RSPO2: variants seen among roughly 807,000 people sequenced by gnomAD.
RSPO2 encodes R-spondin 2, also known as R-spondin-2.
RSPO2 carries 14 observed loss-of-function variants against 30.9 expected under a neutral mutation model. That is an observed-to-expected ratio of 0.45 (90% CI 0.30 to 0.71). The LOEUF is 0.71. Among genes scored for constraint, RSPO2 ranks in the 30% least tolerant of loss-of-function variants. The pLI, the probability that RSPO2 is intolerant of heterozygous loss-of-function variation, is 0.08. For synonymous variants in RSPO2, 107 were observed against 96.4 expected (o/e 1.11, Z -0.64); for missense variants, 264 against 301.9 (o/e 0.87, Z 0.93).
intron 5 of RSPO2, among the ~76,000 whole-genome samples, chr8:107,926,807 T>C (rs897958171): frequency 1.3e-5 from 2 of 152,180 alleles, no homozygotes; most frequent in African/African-American, 4.8e-5. Context: ...AGCCTTGTAG[T>C]ATAGTTTGAA....
intron 2 of RSPO2, among the ~76,000 whole-genome samples, chr8:108,047,561 C>G (rs983651865): frequency 1.3e-5 from 2 of 152,148 alleles, no homozygotes; most frequent in Non-Finnish European, 1.5e-5. Context: ...CTTTTGGAAG[C>G]CTGTGGTCAG....
intron 2 of RSPO2, among the ~76,000 whole-genome samples, chr8:107,993,294 T>C (rs146301487): frequency 1.8e-4 from 28 of 152,268 alleles, no homozygotes; most frequent in African/African-American, 4.3e-4. Context: ...ATGTAATATA[T>C]GTATAAAATA....
At chr8:108,017,447 T>G (rs1586631417) in intron 2 of RSPO2, among the ~76,000 whole-genome samples, 1 of 152,164 alleles carries the variant, frequency 6.6e-6, no homozygotes, top group Non-Finnish European at 1.5e-5. Flanking sequence ...TGGGCTCTTG[T>G]GTAGTGAGGA....
At chr8:108,043,632 T>C (rs1811820812) in intron 2 of RSPO2, among the ~76,000 whole-genome samples, 2 of 151,800 alleles carry the variant, frequency 1.3e-5, no homozygotes, top group South Asian at 4.1e-4. Flanking sequence ...GCACCTCTCG[T>C]CCTGAGGCAT....
At chr8:108,027,111 AG>A (rs1350153056) in intron 2 of RSPO2, among the ~76,000 whole-genome samples, 1 of 152,206 alleles carries the variant, frequency 6.6e-6, no homozygotes, top group Non-Finnish European at 1.5e-5. Context: ...TCAAATCATC[AG>A]ATTTCTACAT....
At chr8:107,951,228 G>T (rs544348971) in intron 5 of RSPO2, among the ~76,000 whole-genome samples, 2 of 151,804 alleles carry the variant, frequency 1.3e-5, no homozygotes, top group Non-Finnish European at 2.9e-5. Context: ...GATAATTTTT[G>T]TATTTTTAGT....
At chr8:107,909,405 G>A (rs1426745474) in intron 5 of RSPO2, among the ~76,000 whole-genome samples, 2 of 151,962 alleles carry the variant, frequency 1.3e-5, no homozygotes, top group East Asian at 1.9e-4. Context: ...TGGGATTACA[G>A]GCACATGCCA....
Position 107,973,591 on chromosome 8 carries a change from C to T in RSPO2, c.284-12774G>A, listed in dbSNP as rs78460398. 4.3e-3 allele frequency among the ~76,000 whole-genome samples: 657 copies of T among 151,818 alleles called. 5 individuals are homozygous for T. The highest frequency in any genetic ancestry group is 0.012 in the African/African-American group (490 of 41,390). On this transcript the variant is annotated intron_variant, in intron 3 of 5. Coordinates refer to ENST00000276659, the MANE Select transcript of RSPO2 (RefSeq NM_178565.5). Reference sequence around the variant, plus strand: ...CAAGCAAACAAAAAAAAGAAAACTGCCTCCCGTTGTTCTAAAACAGCCATA... The same window carrying T: ...CAAGCAAACAAAAAAAAGAAAACTGTCTCCCGTTGTTCTAAAACAGCCATA...
chr8:108,015,326 G>C (rs1002516068), intron 2 of RSPO2, among the ~76,000 whole-genome samples: 6 of 152,074 alleles, frequency 3.9e-5, no homozygotes, highest in African/African-American at 1.4e-4. Flanking sequence ...TTTATCTCAC[G>C]TTCTAATCAT....
At chr8:107,992,794 C>A (rs966822234) in intron 2 of RSPO2, among the ~76,000 whole-genome samples, 17 of 151,998 alleles carry the variant, frequency 1.1e-4, no homozygotes, top group African/African-American at 4.1e-4. Flanking sequence ...ATTAGATAGC[C>A]GAGATACTAT....
chr8:107,915,259 T>C (rs538619542), intron 5 of RSPO2, among the ~76,000 whole-genome samples: 1 of 152,290 alleles, frequency 6.6e-6, no homozygotes, highest in Admixed American at 6.5e-5. Context: ...TTAAAAATTA[T>C]TGGAGACATC....
chr8:107,945,171 A>G (rs184477659), intron 5 of RSPO2, among the ~76,000 whole-genome samples: 2 of 151,478 alleles, frequency 1.3e-5, no homozygotes, highest in Non-Finnish European at 2.9e-5. Flanking sequence ...TGGAATGGCC[A>G]ATCTATGAGA....
chr8:108,075,221 C>T (rs1214954353), intron 2 of RSPO2, among the ~76,000 whole-genome samples: 4 of 152,166 alleles, frequency 2.6e-5, no homozygotes, highest in Non-Finnish European at 4.4e-5. Flanking sequence ...TGGCTCACGC[C>T]TGTAATCCCA....
intron 2 of RSPO2, among the ~76,000 whole-genome samples, chr8:108,004,520 G>T (rs1815385486): frequency 2.0e-5 from 3 of 152,156 alleles, no homozygotes; most frequent in African/African-American, 7.2e-5. Context: ...GGAATGAAAT[G>T]AACAGTTTTG....
chr8:107,988,538 T>G (rs1216202051), intron 3 of RSPO2, among the ~76,000 whole-genome samples: 1 of 152,088 alleles, frequency 6.6e-6, no homozygotes, highest in East Asian at 1.9e-4. Context: ...TAAAATAAAG[T>G]GTGTATGTGG....
intron 5 of RSPO2, among the ~76,000 whole-genome samples, chr8:107,956,608 G>A (rs1340834307): frequency 3.3e-5 from 5 of 152,136 alleles, no homozygotes; most frequent in African/African-American, 1.2e-4. Context: ...GGAGGGGAGG[G>A]AAATGTGTTG....
intron 3 of RSPO2, among the ~76,000 whole-genome samples, chr8:107,966,428 C>CT (rs1324288335): frequency 1.3e-5 from 2 of 152,124 alleles, no homozygotes; most frequent in Non-Finnish European, 2.9e-5. Flanking sequence ...AATGACTACT[C>CT]TAAGCTTGAC....
intron 2 of RSPO2, among the ~76,000 whole-genome samples, chr8:108,011,134 G>GAAAAAAAAAAAAA (rs66722934): frequency 6.0e-5 from 6 of 100,414 alleles, no homozygotes; most frequent in Admixed American, 1.2e-4. Flanking sequence ...CTCCGTCCCA[G>GAAAAAAAAAAAAA]AAAAAAAAAA....
At chr8:108,068,064 G>A (rs774528029) in intron 2 of RSPO2, among the ~76,000 whole-genome samples, 42 of 151,862 alleles carry the variant, frequency 2.8e-4, no homozygotes, top group African/African-American at 5.1e-4. Flanking sequence ...GTGAGACTCC[G>A]TCTCAAAAAC....
Sources: gnomAD v4.1 joint callset for allele counts (sites outside exome capture counted in the v4.1 genomes callset) on GRCh38, gnomAD v4.1.1 for gene constraint, MANE v1.5 for transcripts, NCBI Gene and HGNC (gene_info 2026-07-23, HGNC 2026-07-21) for gene names.